The following LPIN1 variants were observed in gnomAD, a reference collection of about 807,000 sequenced individuals.
LPIN1 encodes lipin 1.
LPIN1 carries 71 observed loss-of-function variants against 107.5 expected under a neutral mutation model. The ratio of observed to expected loss-of-function variants is 0.66; its 90% CI spans 0.55 to 0.80. The LOEUF (loss-of-function observed/expected upper bound fraction) is 0.80. Among genes scored for constraint, LPIN1 ranks in the 30% least tolerant of loss-of-function variants. LPIN1 has a pLI of 0.00. For missense variants in LPIN1, 1,043 were observed against 1,160.6 expected (o/e 0.90, Z 1.47); for synonymous variants, 445 against 452.6 (o/e 0.98, Z 0.21).
In LPIN1 at chr2:11,732,893, T is replaced by TTCTC. The variant is rs541063769; in HGVS notation, c.-72+8370_-72+8373dup. ...CAAGTGTCCATTTCTCTCTCTCTCT[T>TTCTC]TCTCTCTCTCTCTCTCTCTGTGTGT... On this transcript the variant is annotated intron_variant, in intron 1 of 21. Transcript: ENST00000396097. Among the ~76,000 whole-genome samples, 582 of 149,332 alleles carry TTCTC rather than the reference T, an allele frequency of 3.9e-3. 5 individuals carry two copies. The highest frequency in any genetic ancestry group is 0.013 in the African/African-American group (513 of 40,162).
chr2:11,691,978 A>G (rs1662294672), intron 1 of LPIN1, among the ~76,000 whole-genome samples: 1 of 152,208 alleles, frequency 6.6e-6, no homozygotes, highest in South Asian at 2.1e-4. Context: ...TGATTTGCCA[A>G]TCTAACTATT....
chr2:11,772,906 C>T (rs753154493), intron 4 of LPIN1, among the ~76,000 whole-genome samples: 8 of 143,540 alleles, frequency 5.6e-5, no homozygotes, highest in Non-Finnish European at 1.2e-4. Context: ...CAACTGGCAA[C>T]GAATATTGCT....
At chr2:11,790,204 T>G (rs1211078428) in intron 12 of LPIN1, among the ~76,000 whole-genome samples, 1 of 152,232 alleles carries the variant, frequency 6.6e-6, no homozygotes, top group Non-Finnish European at 1.5e-5. Flanking sequence ...AGTTATTGAA[T>G]TGGTGAAGAT....
chr2:11,801,455 C>T (rs1418535293), intron 14 of LPIN1, among the ~76,000 whole-genome samples: 1 of 152,042 alleles, frequency 6.6e-6, no homozygotes, highest in African/African-American at 2.4e-5. Context: ...TTTGTGGCAA[C>T]GTGGGTGGAA....
chr2:11,820,602 C>G, intron 20 of LPIN1, 88 bp downstream of exon 20: 1 of 863,902 alleles, frequency 1.2e-6, no homozygotes, highest in Non-Finnish European at 2.0e-6. Flanking sequence ...ACCTTTTCCC[C>G]TTTGCTGCCT....
At chr2:11,784,324 A>AAAAAAAC (rs1558901657) in intron 9 of LPIN1, 1 of 751,706 alleles carries the variant, frequency 1.3e-6, no homozygotes, top group African/African-American at 1.8e-5. Context: ...AAAAAAAAAA[A>AAAAAAAC]GTGTGAGAGA....
chr2:11,689,137 GCT>G (rs931827074), intron 1 of LPIN1, among the ~76,000 whole-genome samples: 3 of 152,176 alleles, frequency 2.0e-5, no homozygotes, highest in Admixed American at 1.3e-4. Context: ...TTTACCGAGT[GCT>G]CTCTCTCCAT....
Position 11,782,432 on chromosome 2 carries a change from A to G in LPIN1, c.1189A>G (p.Ile397Val). The G allele has an allele frequency of 6.2e-7, 1 of 1,614,158 alleles. No homozygotes were observed. The highest frequency in any genetic ancestry group is 1.1e-5 in the South Asian group (1 of 91,080). ...AGCAGCAGCGCCACTCTTGCCCATGATCGAGGAGCTCAAACCCCCCTCTGC... is the reference window on the plus strand; with the variant it reads ...AGCAGCAGCGCCACTCTTGCCCATGGTCGAGGAGCTCAAACCCCCCTCTGC... ...LGAAAPLLPM[I>V]EELKPPSASV... Residue 397 changes from isoleucine to valine, a missense_variant, in exon 8 of 21, where the codon ATC becomes GTC. Transcript: ENST00000674199.
At chr2:11,678,827 G>A (rs566088865) in intron 1 of LPIN1, among the ~76,000 whole-genome samples, 1 of 152,348 alleles carries the variant, frequency 6.6e-6, no homozygotes, top group African/African-American at 2.4e-5. Context: ...CCGGAGGCCT[G>A]CAGGGGAGAG....
intron 1 of LPIN1, among the ~76,000 whole-genome samples, chr2:11,708,545 C>A (rs896590750): frequency 6.6e-6 from 1 of 152,164 alleles, no homozygotes; most frequent in Admixed American, 6.5e-5. Flanking sequence ...CAGACCTGGG[C>A]CTTAACTCCT....
intron 1 of LPIN1, among the ~76,000 whole-genome samples, chr2:11,753,896 T>G (rs1668259333): frequency 1.3e-5 from 2 of 152,200 alleles, no homozygotes; most frequent in South Asian, 2.1e-4. Flanking sequence ...CTTGTAAACC[T>G]CCAAGGTGGA....
At chr2:11,773,222 T>G (rs1672139324) in intron 4 of LPIN1, among the ~76,000 whole-genome samples, 1 of 152,224 alleles carries the variant, frequency 6.6e-6, no homozygotes, top group South Asian at 2.1e-4. Context: ...ATTGAGTTAT[T>G]CAGCAGTTCT....
At chr2:11,766,244 C>G (rs532740343) in intron 2 of LPIN1, among the ~76,000 whole-genome samples, 2 of 152,162 alleles carry the variant, frequency 1.3e-5, no homozygotes, top group Non-Finnish European at 2.9e-5. Context: ...TATGGCCTAG[C>G]CTTGCAAGCC....
rs1390275824 is a variant in LPIN1, at chr2:11,788,438, C to A, written c.1695C>A (p.Phe565Leu). The A allele has an allele frequency of 1.2e-6, 2 of 1,613,780 alleles. No individual in the cohort carries two copies. The highest frequency in any genetic ancestry group is 2.2e-5 in the South Asian group (2 of 91,062). ...CCCTCCTCCTGGCAATGCAGGCCTT[C>A]CAGAAACCTTTGCCAAAGGTGAGCT... ...AAPLLLAMQA[F>L]QKPLPKATVE... The change falls in exon 12 of 21, where the codon TTC becomes TTA. Residue 565 changes from phenylalanine (F) to leucine (L), a missense_variant. Physicochemically the swap from Phe to Leu is conservative, Grantham distance 22. Coordinates refer to ENST00000674199, the MANE Select transcript of LPIN1 (RefSeq NM_001349206.2).
intron 3 of LPIN1, among the ~76,000 whole-genome samples, chr2:11,768,853 G>T (rs546067037): frequency 6.6e-6 from 1 of 152,074 alleles, no homozygotes; most frequent in Non-Finnish European, 1.5e-5. Flanking sequence ...GGAGAATGGC[G>T]TGAACCCGGG....
At chr2:11,714,397 C>T (rs1663597526) in intron 2 of LPIN1, among the ~76,000 whole-genome samples, 1 of 152,178 alleles carries the variant, frequency 6.6e-6, no homozygotes, top group East Asian at 1.9e-4. Flanking sequence ...CTTCCTAGAC[C>T]CCATGTTCCA....
intron 2 of LPIN1, among the ~76,000 whole-genome samples, chr2:11,715,021 A>G (rs73915502): frequency 0.13 from 19,325 of 152,268 alleles, 2,823 homozygotes; most frequent in African/African-American, 0.36. Flanking sequence ...GGGGATTGGC[A>G]GGGACTGGGG....
intron 1 of LPIN1, among the ~76,000 whole-genome samples, chr2:11,713,476 G>A (rs1663533785): frequency 6.6e-6 from 1 of 152,174 alleles, no homozygotes; most frequent in Admixed American, 6.5e-5. Flanking sequence ...TTGCCATGTT[G>A]GCCAGGCTGA....
intron 1 of LPIN1, among the ~76,000 whole-genome samples, chr2:11,690,680 C>T (rs1488012870): frequency 6.6e-6 from 1 of 152,116 alleles, no homozygotes; most frequent in African/African-American, 2.4e-5. Context: ...CTGGATGCTT[C>T]CTTACTATAT....
Sources: gnomAD v4.1 joint callset for allele counts (sites outside exome capture counted in the v4.1 genomes callset) on GRCh38, gnomAD v4.1.1 for gene constraint, MANE v1.5 for transcripts, NCBI Gene and HGNC (gene_info 2026-07-23, HGNC 2026-07-21) for gene names.